Variants in ACSL4 observed in about 807,000 individuals in gnomAD.
ACSL4 encodes long-chain-fatty-acid--CoA ligase 4.
In ACSL4, 9 loss-of-function variants were observed where a neutral mutation model predicts 49.1. The observed-to-expected ratio is 0.18, with a 90% CI of 0.11 to 0.32. The LOEUF (loss-of-function observed/expected upper bound fraction) is 0.32, where lower values mean the gene tolerates loss of function less well. Among genes scored for constraint, ACSL4 ranks in the 10% least tolerant of loss-of-function variants. The probability of loss-of-function intolerance (pLI) is 1.00; values close to 1 mark genes in which losing one functional copy is unlikely to be tolerated. For synonymous variants in ACSL4, 191 were observed against 170.3 expected, an observed-to-expected ratio of 1.12 and a Z score of -0.95; for missense variants, 333 against 493.7, an observed-to-expected ratio of 0.67 and a Z score of 3.08.
At chrX:109,686,822 A>C (rs959266445) in intron 2 of ACSL4, among the ~76,000 whole-genome samples, 3 of 111,098 alleles carry the variant, frequency 2.7e-5, no homozygotes, top group East Asian at 2.8e-4. Context: ...CAAGGCTCAA[A>C]GAACATTCAG....
chrX:109,677,231 G>GGATT (rs1569426749), intron 8 of ACSL4, among the ~76,000 whole-genome samples: 1 of 109,473 alleles, frequency 9.1e-6, no homozygotes, highest in Admixed American at 9.7e-5. Flanking sequence ...CAAAGTGCTG[G>GGATT]GATTACAGGC....
At chrX:109,649,263 T>A (rs908710962) in intron 15 of ACSL4, among the ~76,000 whole-genome samples, 1 of 111,738 alleles carries the variant, frequency 8.9e-6, no homozygotes, top group Non-Finnish European at 1.9e-5. Context: ...TCACGCTACC[T>A]GACTTCAAAC....
At chrX:109,669,253 T>C in intron 9 of ACSL4, 80 bp from the exon 10 acceptor site, 1 of 796,202 alleles carries the variant, frequency 1.3e-6, no homozygotes, top group South Asian at 2.3e-5. Flanking sequence ...TTGCAACATC[T>C]TGGGTAAAAG....
chrX:109,689,480 A>G (rs1358897759), intron 2 of ACSL4, among the ~76,000 whole-genome samples: 1 of 111,852 alleles, frequency 8.9e-6, no homozygotes, highest in Non-Finnish European at 1.9e-5. Flanking sequence ...TACAACCTAC[A>G]AGACTATATA....
At chrX:109,704,813 G>A (rs1303555129) in intron 1 of ACSL4, among the ~76,000 whole-genome samples, 3 of 111,654 alleles carry the variant, frequency 2.7e-5, no homozygotes, top group Admixed American at 9.6e-5. Context: ...TTTCAGTTAT[G>A]AAAGATGAAG....
intron 1 of ACSL4, among the ~76,000 whole-genome samples, chrX:109,723,433 G>A (rs1274251148): frequency 2.7e-5 from 3 of 111,388 alleles, no homozygotes; most frequent in Non-Finnish European, 3.8e-5. Flanking sequence ...CATGATAAGG[G>A]TTTATTTTTA....
At chrX:109,691,950 C>A (rs1237244167) in intron 2 of ACSL4, 2 of 111,933 alleles carry the variant, frequency 1.8e-5, no homozygotes, top group Admixed American at 1.9e-4. Context: ...CTGTGCCTGG[C>A]TAGTATGACT....
intron 1 of ACSL4, among the ~76,000 whole-genome samples, chrX:109,725,270 C>G (rs1266843693): frequency 1.0e-5 from 1 of 97,405 alleles, no homozygotes; most frequent in African/African-American, 3.8e-5. Context: ...TTTTTTGAGA[C>G]AGGGTCTTGC....
At chrX:109,721,507 G>A (rs781017717) in intron 1 of ACSL4, among the ~76,000 whole-genome samples, 13 of 111,856 alleles carry the variant, frequency 1.2e-4, no homozygotes, top group African/African-American at 3.2e-4. Context: ...CAAGGCAGGC[G>A]GATCACCTGA....
rs750864802 is a variant in ACSL4, at chrX:109,681,032, T to C, written c.621A>G (p.Gln207=). The change falls in exon 6 of 16, where the codon CAA becomes CAG. Residue 207 remains glutamine, a synonymous_variant. Transcript: ENST00000672401. ...GGTTAGATCCCAACTCTTCTACTGA[T>C]TGCATGCTGTGAATCTCAAATCCTT... ...YPEGFEIHSM[Q]SVEELGSNPE... 1.6e-5 allele frequency: 19 copies of C among 1,209,267 alleles called. No homozygotes were observed. The Admixed American group carries it at 3.5e-4, about 22-fold the overall frequency.
At position 109,683,298 on chromosome X, in the gene ACSL4, T is replaced by C. The variant is rs758321155; in HGVS notation, c.66A>G (p.Thr22=). The change falls in exon 3 of 16, where the codon ACA becomes ACG. Residue 22 remains threonine, a synonymous_variant. Coordinates refer to ENST00000672401, the MANE Select transcript of ACSL4 (RefSeq NM_001318510.2). ...CTATTACAGCTAGTGAGTCGAAGTG[T>C]GTGACAGAGCGATATGGACTTCCAG... ...DKPGSPYRSV[T]HFDSLAVIDI... 5 of 1,212,011 alleles carry C rather than the reference T, an allele frequency of 4.1e-6. No homozygotes were observed. The highest frequency in any genetic ancestry group is 3.3e-6 in the Non-Finnish European group (3 of 895,579).
chrX:109,682,561 A>C (rs1342108517), intron 4 of ACSL4, among the ~76,000 whole-genome samples, 158 bp downstream of exon 4: 3 of 111,143 alleles, frequency 2.7e-5, no homozygotes, highest in Non-Finnish European at 5.7e-5. Context: ...GAGTCATCGG[A>C]TATCTTTTAG....
intron 10 of ACSL4, among the ~76,000 whole-genome samples, 179 bp from the exon 11 acceptor site, chrX:109,668,452 A>C (rs762807823): frequency 1.8e-5 from 2 of 111,974 alleles, no homozygotes; most frequent in African/African-American, 6.5e-5. Context: ...ATGCCAGAAA[A>C]AACTCTTTAA....
intron 2 of ACSL4, among the ~76,000 whole-genome samples, chrX:109,684,539 G>C (rs1924434859): frequency 8.9e-6 from 1 of 112,393 alleles, no homozygotes; most frequent in Admixed American, 9.5e-5. Context: ...GGGATGTCCA[G>C]AGTCCTGCCC....
chrX:109,725,247 A>ATT (rs34867628), intron 1 of ACSL4, among the ~76,000 whole-genome samples: 2 of 84,199 alleles, frequency 2.4e-5, no homozygotes, highest in Admixed American at 1.3e-4. Context: ...ACACCCAGCT[A>ATT]TTTTTTTTTT....
Position 109,644,035 on chromosome X carries a change from G to T in ACSL4, c.2007C>A (p.Gly669=), listed in dbSNP as rs1934530435. The change falls in exon 16 of 16, where the codon GGC becomes GGA. Residue 669 remains glycine (G), a synonymous_variant. Coordinates refer to ENST00000672401, the MANE Select transcript of ACSL4 (RefSeq NM_001318510.2). ...TCAATAAGACAACAACATTTTATTTGCCCCCATACATTCGTTCAATGTCTT... is the reference window on the plus strand; with the variant it reads ...TCAATAAGACAACAACATTTTATTTTCCCCCATACATTCGTTCAATGTCTT... ...YLKDIERMYG[G]K 1.7e-6 allele frequency: 2 copies of T among 1,209,379 alleles called. No individual in the cohort carries two copies. The highest frequency in any genetic ancestry group is 2.2e-5 in the Admixed American group (1 of 45,711).
At chrX:109,663,678 T>C (rs780975440) in intron 12 of ACSL4, among the ~76,000 whole-genome samples, 1 of 111,254 alleles carries the variant, frequency 9.0e-6, no homozygotes. Flanking sequence ...TAGAGCTTAG[T>C]GTTCACAGAG....
intron 15 of ACSL4, 79 bp from the exon 16 acceptor site, chrX:109,644,265 G>A: frequency 1.1e-6 from 1 of 934,577 alleles, no homozygotes; most frequent in Non-Finnish European, 1.5e-6. Flanking sequence ...GGGAAAGAAG[G>A]GGAAGGAGAA....
intron 1 of ACSL4, among the ~76,000 whole-genome samples, chrX:109,712,705 T>C (rs981517034): frequency 1.3e-4 from 14 of 111,965 alleles, no homozygotes; most frequent in African/African-American, 4.5e-4. Flanking sequence ...CCAGCTGCCA[T>C]GGCATGTGCC....
Sources: gnomAD v4.1 joint callset for allele counts (sites outside exome capture counted in the v4.1 genomes callset) on GRCh38, gnomAD v4.1.1 for gene constraint, MANE v1.5 for transcripts, NCBI Gene and HGNC (gene_info 2026-07-23, HGNC 2026-07-21) for gene names.